The following PBRM1 variants were observed in gnomAD, a reference collection of about 807,000 sequenced individuals.
The protein encoded by PBRM1 is polybromo 1.
In PBRM1, 27 loss-of-function variants were observed where a neutral mutation model predicts 194.5. The observed-to-expected ratio is 0.14, with a 90% CI of 0.10 to 0.19. The LOEUF is 0.19. Ranked by LOEUF, PBRM1 falls within the 10% of genes least tolerant of loss-of-function variation. The pLI, the probability that PBRM1 is intolerant of heterozygous loss-of-function variation, is 1.00. For missense variants in PBRM1, 1,466 were observed against 2,077.2 expected (o/e 0.71, Z 5.72); for synonymous variants, 655 against 693.2 (o/e 0.94, Z 0.87).
intron 20 of PBRM1, among the ~76,000 whole-genome samples, chr3:52,579,526 A>C (rs1007980509): frequency 6.6e-6 from 1 of 152,130 alleles, no homozygotes; most frequent in African/African-American, 2.4e-5. Flanking sequence ...CGAGCTCAGG[A>C]GGTCGAGGCT....
At chr3:52,572,291 G>A (rs2087647752) in intron 22 of PBRM1, among the ~76,000 whole-genome samples, 1 of 152,146 alleles carries the variant, frequency 6.6e-6, no homozygotes, top group Non-Finnish European at 1.5e-5. Flanking sequence ...TGTTTCAAGA[G>A]CCCAGGTTCC....
exon 12 of PBRM1, chr3:52,629,001 C>G (rs2153597583): frequency 6.2e-7 from 1 of 1,610,040 alleles, no homozygotes; most frequent in Non-Finnish European, 8.5e-7. Context: ...TCCAAATGAT[C>G]TAAAGTTTCA....
chr3:52,563,634 A>G (rs954612526), intron 23 of PBRM1, 141 bp from the exon 26 acceptor site: 3 of 620,202 alleles, frequency 4.8e-6, no homozygotes, highest in African/African-American at 3.7e-5. Context: ...GAAAGAGTTT[A>G]AATGTGTATT....
chr3:52,580,531 T>G (rs1657820072), intron 20 of PBRM1, among the ~76,000 whole-genome samples: 1 of 152,040 alleles, frequency 6.6e-6, no homozygotes, highest in Non-Finnish European at 1.5e-5. Flanking sequence ...GCTAATTTTT[T>G]TTTTGTATTT....
chr3:52,627,552 A>G lies in PBRM1; in HGVS notation c.1444-182T>C, dbSNP rs2095484949. Among the ~76,000 whole-genome samples the G allele has an allele frequency of 2.0e-5, 3 of 152,244 alleles. No homozygotes were observed. In the South Asian group the frequency reaches 6.2e-4, roughly 31 times the overall value. On this transcript the variant is annotated intron_variant, in intron 12 of 29. Coordinates refer to ENST00000296302, the Ensembl canonical transcript of PBRM1. ...AATTTTAACAAAAGCCTGCATGACA[A>G]AAAGAGTAGGTTAAAAAATGGTTCT...
At chr3:52,565,507 C>CAA (rs539684179) in intron 22 of PBRM1, among the ~76,000 whole-genome samples, 4 of 104,454 alleles carry the variant, frequency 3.8e-5, no homozygotes, top group African/African-American at 1.1e-4. Context: ...GACTCAGTCT[C>CAA]AAAAAAAAAA....
intron 17 of PBRM1, among the ~76,000 whole-genome samples, chr3:52,593,869 T>C (rs1216402545): frequency 6.6e-6 from 1 of 152,188 alleles, no homozygotes; most frequent in Non-Finnish European, 1.5e-5. Flanking sequence ...TTAGAGTATG[T>C]CCCATGTGGT....
At chr3:52,589,742 A>G (rs974088455) in intron 17 of PBRM1, among the ~76,000 whole-genome samples, 1 of 152,186 alleles carries the variant, frequency 6.6e-6, no homozygotes, top group Non-Finnish European at 1.5e-5. Flanking sequence ...TCTACAATAT[A>G]CTATAAACTA....
chr3:52,558,521 A>C, intron 25 of PBRM1, 108 bp from the exon 28 acceptor site: 31 of 948,624 alleles, frequency 3.3e-5, no homozygotes, highest in Non-Finnish European at 4.4e-5. Context: ...GTTCTGTCTC[A>C]ATGGAAGGAA....
intron 14 of PBRM1, among the ~76,000 whole-genome samples, chr3:52,615,845 T>G (rs776787965): frequency 6.6e-6 from 1 of 152,220 alleles, no homozygotes; most frequent in Non-Finnish European, 1.5e-5. Flanking sequence ...AAATATCTGA[T>G]AGTTGGAGAG....
chr3:52,657,104 A>G (rs1322524334), intron 5 of PBRM1, among the ~76,000 whole-genome samples: 2 of 152,214 alleles, frequency 1.3e-5, no homozygotes, highest in East Asian at 1.9e-4. Flanking sequence ...AGTCAAATTC[A>G]TAGACAGAAA....
At chr3:52,597,732 C>T (rs2093680520) in intron 17 of PBRM1, among the ~76,000 whole-genome samples, 1 of 151,534 alleles carries the variant, frequency 6.6e-6, no homozygotes, top group African/African-American at 2.4e-5. Flanking sequence ...TCGGGAGAGT[C>T]TCACTGTGTC....
At chr3:52,672,997 A>AT (rs1176060708) in intron 2 of PBRM1, among the ~76,000 whole-genome samples, 2 of 151,266 alleles carry the variant, frequency 1.3e-5, no homozygotes, top group South Asian at 2.1e-4. Flanking sequence ...TTAATTTTTA[A>AT]TTTTTTTGAG....
chr3:52,640,935 G>A (rs1166108892), intron 10 of PBRM1, among the ~76,000 whole-genome samples: 4 of 151,986 alleles, frequency 2.6e-5, no homozygotes, highest in East Asian at 1.9e-4. Flanking sequence ...CACTATGCCC[G>A]GCCGTGTGTC....
chr3:52,586,896 C>T (rs1223453488), intron 19 of PBRM1, among the ~76,000 whole-genome samples: 1 of 152,008 alleles, frequency 6.6e-6, no homozygotes, highest in Non-Finnish European at 1.5e-5. Flanking sequence ...TATATACACA[C>T]CCTTTAAATT....
chr3:52,682,393 GCCAA>G (rs2154077520), upstream of PBRM1, among the ~76,000 whole-genome samples: 1 of 145,968 alleles, frequency 6.9e-6, no homozygotes, highest in African/African-American at 2.5e-5. Context: ...AAAAAAAAGG[GCCAA>G]CCATTTTGGC....
At chr3:52,660,184 G>A (rs1347692317) in intron 4 of PBRM1, among the ~76,000 whole-genome samples, 1 of 152,150 alleles carries the variant, frequency 6.6e-6, no homozygotes, top group East Asian at 1.9e-4. Context: ...CAGAAGTACG[G>A]GCAAGTCCTA....
chr3:52,594,111 G>A (rs747963337), intron 17 of PBRM1, among the ~76,000 whole-genome samples: 16 of 152,156 alleles, frequency 1.1e-4, no homozygotes, highest in Non-Finnish European at 2.2e-4. Context: ...TGAAGGCCTA[G>A]GCTCAAGCAA....
At chr3:52,634,307 C>T (rs1180709401) in intron 11 of PBRM1, among the ~76,000 whole-genome samples, 1 of 151,622 alleles carries the variant, frequency 6.6e-6, no homozygotes, top group African/African-American at 2.4e-5. Context: ...TGTGGTGGTG[C>T]GCACCTGTAG....
Sources: gnomAD v4.1 joint callset for allele counts (sites outside exome capture counted in the v4.1 genomes callset) on GRCh38, gnomAD v4.1.1 for gene constraint, MANE v1.5 for transcripts, NCBI Gene and HGNC (gene_info 2026-07-23, HGNC 2026-07-21) for gene names.